AKT3: variants seen among roughly 807,000 people sequenced by gnomAD.
The protein encoded by AKT3 is AKT serine/threonine kinase 3.
AKT3 carries 15 observed loss-of-function variants against 65.3 expected under a neutral mutation model. The ratio of observed to expected loss-of-function variants is 0.23; its 90% CI spans 0.15 to 0.35. AKT3 has a LOEUF of 0.35. AKT3 is among the 10% of genes least tolerant of loss of function. The pLI, the probability that AKT3 is intolerant of heterozygous loss-of-function variation, is 1.00. For synonymous variants in AKT3, 206 were observed against 183.8 expected (o/e 1.12, Z -0.98); for missense variants, 243 against 576.5 (o/e 0.42, Z 5.92).
intron 8 of AKT3, among the ~76,000 whole-genome samples, chr1:243,591,698 A>G (rs1676238217): frequency 6.6e-6 from 1 of 152,144 alleles, no homozygotes; most frequent in Admixed American, 6.5e-5. Context: ...GGTAGAGGGA[A>G]GCACATAAGA....
chr1:243,532,562 T>C (rs2148416228), intron 12 of AKT3, among the ~76,000 whole-genome samples: 1 of 152,330 alleles, frequency 6.6e-6, no homozygotes, highest in South Asian at 2.1e-4. Context: ...TTGCTAGTAT[T>C]GTTAAGAAAT....
intron 2 of AKT3, among the ~76,000 whole-genome samples, chr1:243,785,218 G>C (rs1016495108): frequency 7.3e-5 from 11 of 151,456 alleles, no homozygotes; most frequent in Non-Finnish European, 1.6e-4. Flanking sequence ...ACAGGCGCCA[G>C]CCACCATGCC....
At chr1:243,760,509 T>C (rs1490356428) in intron 2 of AKT3, among the ~76,000 whole-genome samples, 1 of 152,074 alleles carries the variant, frequency 6.6e-6, no homozygotes, top group Non-Finnish European at 1.5e-5. Context: ...GATTCTGTAT[T>C]TGCAAATTCA....
chr1:243,778,581 T>C (rs1455257153), intron 2 of AKT3, among the ~76,000 whole-genome samples: 2 of 152,196 alleles, frequency 1.3e-5, no homozygotes, highest in African/African-American at 4.8e-5. Context: ...GTGTTAAGAA[T>C]ACTGTGCTGT....
chr1:243,776,987 A>G (rs1478548031), intron 2 of AKT3, among the ~76,000 whole-genome samples: 1 of 152,216 alleles, frequency 6.6e-6, no homozygotes, highest in Non-Finnish European at 1.5e-5. Context: ...ACAGTAATAC[A>G]ATGTAATAAG....
intron 2 of AKT3, among the ~76,000 whole-genome samples, chr1:243,729,573 A>G (rs1038566572): frequency 2.0e-5 from 3 of 152,342 alleles, no homozygotes; most frequent in South Asian, 2.1e-4. Flanking sequence ...CCTTAAAAAA[A>G]GATCTGAAAT....
At chr1:243,815,776 A>AGTAGTTGTTGTTGTTGTTGTT (rs1693476013) in intron 2 of AKT3, among the ~76,000 whole-genome samples, 2 of 147,304 alleles carry the variant, frequency 1.4e-5, no homozygotes, top group Admixed American at 1.4e-4. Flanking sequence ...ACACCCAGCT[A>AGTAGTTGTTGTTGTTGTTGTT]GTTGTTGTTG....
chr1:243,720,780 A>C (rs1306347869), intron 2 of AKT3, among the ~76,000 whole-genome samples: 1 of 152,116 alleles, frequency 6.6e-6, no homozygotes. Flanking sequence ...TTTTCCTTTT[A>C]TTTTTTACGT....
intron 8 of AKT3, among the ~76,000 whole-genome samples, chr1:243,577,234 C>T (rs1051891080): frequency 6.6e-6 from 1 of 152,158 alleles, no homozygotes; most frequent in East Asian, 1.9e-4. Flanking sequence ...GAAACCTCTA[C>T]CTCACAAGTT....
rs553277277 is a variant in AKT3, at chr1:243,559,216, C to A, written c.948+4504G>T. ...TCGAATGTACAAAAGAGCAAAAGTACATTCATTTAAAACTATACATACAAA... is the reference window on the plus strand; with the variant it reads ...TCGAATGTACAAAAGAGCAAAAGTAAATTCATTTAAAACTATACATACAAA... On this transcript the variant is annotated intron_variant, in intron 10 of 13. Transcript: ENST00000673466. 2.5e-4 allele frequency among the ~76,000 whole-genome samples: 38 copies of A among 152,208 alleles called. No homozygotes were observed. The East Asian group carries it at 6.2e-3, about 25-fold the overall frequency.
At chr1:243,663,087 T>C (rs1437934832) in intron 4 of AKT3, among the ~76,000 whole-genome samples, 1 of 152,228 alleles carries the variant, frequency 6.6e-6, no homozygotes, top group South Asian at 2.1e-4. Flanking sequence ...CAATAAATAC[T>C]GTGTTGGGCC....
chr1:243,524,418 T>C (rs1670916762), intron 12 of AKT3, among the ~76,000 whole-genome samples: 1 of 152,190 alleles, frequency 6.6e-6, no homozygotes, highest in African/African-American at 2.4e-5. Flanking sequence ...CCAAGCTCCC[T>C]AGTGAAGTCT....
At chr1:243,719,904 C>T (rs569385795) in intron 2 of AKT3, among the ~76,000 whole-genome samples, 10 of 152,284 alleles carry the variant, frequency 6.6e-5, no homozygotes, top group South Asian at 2.1e-4. Flanking sequence ...GTGTATTACG[C>T]GCAAACGGAT....
intron 2 of AKT3, among the ~76,000 whole-genome samples, chr1:243,733,251 T>C (rs1687660194): frequency 1.3e-5 from 2 of 152,214 alleles, no homozygotes; most frequent in Admixed American, 6.5e-5. Context: ...ACTTCTATTT[T>C]AAAATTACAT....
intron 8 of AKT3, among the ~76,000 whole-genome samples, chr1:243,592,963 T>A (rs1257488110): frequency 6.6e-6 from 1 of 152,144 alleles, no homozygotes; most frequent in Non-Finnish European, 1.5e-5. Flanking sequence ...AGTGAAAGGA[T>A]CTTAGGATGT....
rs745346608 is a variant in AKT3, at chr1:243,499,803, G to GAAAT, written c.*5442_*5445dup. 3.1e-6 allele frequency: 5 copies of GAAAT among 1,609,796 alleles called. No homozygotes were observed. Among genetic ancestry groups the GAAAT allele is most frequent in the East Asian group, 2.2e-5 (1 of 44,864 alleles). On this transcript the variant is annotated 3_prime_UTR_variant, in exon 14 of 14. Coordinates refer to ENST00000673466, the MANE Select transcript of AKT3 (RefSeq NM_005465.7). The stretch of plus-strand genomic sequence containing the variant: ...ATTGCTGACCTGGATGGAACAGAGT[G>GAAAT]AAATAAATGATTTACAAAGAGATAT...
At chr1:243,847,904 T>G (rs1271425930) in intron 1 of AKT3, among the ~76,000 whole-genome samples, 2 of 152,158 alleles carry the variant, frequency 1.3e-5, no homozygotes, top group Non-Finnish European at 2.9e-5. Context: ...ATGTCAAGAT[T>G]ATTAAGCCAA....
chr1:243,808,877 C>G (rs1692929063), intron 2 of AKT3, among the ~76,000 whole-genome samples: 2 of 152,174 alleles, frequency 1.3e-5, no homozygotes, highest in South Asian at 4.1e-4. Flanking sequence ...GGCCAATATT[C>G]AACATACTTA....
At chr1:243,525,807 G>A (rs1463145022) in intron 12 of AKT3, among the ~76,000 whole-genome samples, 1 of 1,076 alleles carries the variant, frequency 9.3e-4, no homozygotes, top group Middle Eastern at 0.12. Context: ...AAGAAAGAGA[G>A]AGGGAGAGGG....
Sources: allele counts gnomAD v4.1 joint callset (sites outside exome capture counted in the v4.1 genomes callset), GRCh38; gene constraint gnomAD v4.1.1; transcripts MANE v1.5; gene names NCBI Gene and HGNC (gene_info 2026-07-23, HGNC 2026-07-21).